Variants in TGFBRAP1 observed in about 807,000 individuals in gnomAD.
TGFBRAP1 encodes transforming growth factor beta receptor associated protein 1.
TGFBRAP1 carries 20 observed loss-of-function variants against 83.2 expected under a neutral mutation model. The ratio of observed to expected loss-of-function variants is 0.24; its 90% CI spans 0.17 to 0.35. The LOEUF is 0.35. Among genes scored for constraint, TGFBRAP1 ranks in the 10% least tolerant of loss-of-function variants. The pLI, the probability that TGFBRAP1 is intolerant of heterozygous loss-of-function variation, is 1.00. For synonymous variants in TGFBRAP1, 415 were observed against 459.8 expected, an observed-to-expected ratio of 0.90 and a Z score of 1.25; for missense variants, 950 against 1,099.4, an observed-to-expected ratio of 0.86 and a Z score of 1.92.
chr2:105,291,384 T>C (rs1677908649), intron 4 of TGFBRAP1, among the ~76,000 whole-genome samples: 1 of 152,176 alleles, frequency 6.6e-6, no homozygotes, highest in African/African-American at 2.4e-5. Flanking sequence ...GTCACCCAGT[T>C]TACAGTATTC....
the TGFBRAP1 span, among the ~76,000 whole-genome samples, chr2:105,254,279 G>A: frequency 6.6e-6 from 1 of 152,110 alleles, no homozygotes; most frequent in Non-Finnish European, 1.5e-5. Context: ...GGAAAGTCTT[G>A]GAGAGGTCAC....
rs1180966653 is a variant in TGFBRAP1 at position 105,269,105 on chromosome 2, C to G, written c.2406+167G>C. On this transcript the variant is annotated intron_variant, in intron 11 of 11. Transcript: ENST00000393359. The surrounding 1 kb of genome is among the most constrained non-coding windows in gnomAD (Gnocchi z 4.1). ...ACACCTACCAGCCCAGCCTCTGCCT[C>G]TGCTCACACAGACCTCAGTTTCTAT... is the stretch of plus-strand genomic sequence containing the variant. Among the ~76,000 whole-genome samples the G allele has an allele frequency of 2.0e-5, 3 of 152,316 alleles. No homozygotes were observed. Among genetic ancestry groups the G allele is most frequent in the Admixed American group, 1.3e-4 (2 of 15,308 alleles).
intron 4 of TGFBRAP1, among the ~76,000 whole-genome samples, chr2:105,291,366 T>C (rs1256209173): frequency 6.6e-6 from 1 of 152,136 alleles, no homozygotes; most frequent in East Asian, 1.9e-4. Context: ...TAAATGTTCC[T>C]TGTTGAGGTC....
At position 105,267,512 on chromosome 2, in the gene TGFBRAP1, A is replaced by C; in HGVS notation, c.2454T>G (p.Cys818Trp). Residue 818 changes from cysteine (C) to tryptophan (W), a missense_variant, in exon 12 of 12, where the codon TGT becomes TGG. Transcript: ENST00000393359. ...SSIQLSDKKL[C>W]QICQNPFCEP... ...CACAAAAGGGATTTTGGCATATCTG[A>C]CAAAGCTTTTTGTCTGAGAGTTGGA... 6.2e-7 allele frequency: 1 copy of C among 1,614,252 alleles called. No homozygotes were observed. The highest frequency in any genetic ancestry group is 2.2e-5 in the East Asian group (1 of 44,886).
At chr2:105,328,916 C>G (rs1679293698) in intron 1 of TGFBRAP1, among the ~76,000 whole-genome samples, 1 of 152,138 alleles carries the variant, frequency 6.6e-6, no homozygotes, top group South Asian at 2.1e-4. Flanking sequence ...GATATCAACA[C>G]TTAACACAGG....
intron 2 of TGFBRAP1, among the ~76,000 whole-genome samples, chr2:105,302,672 G>C (rs928846916): frequency 6.6e-6 from 1 of 152,214 alleles, no homozygotes; most frequent in African/African-American, 2.4e-5. Flanking sequence ...GGGAGAGGGA[G>C]ACTTGGTAAA....
At chr2:105,295,120 A>G (rs1678039658) in intron 4 of TGFBRAP1, among the ~76,000 whole-genome samples, 1 of 152,228 alleles carries the variant, frequency 6.6e-6, no homozygotes, top group African/African-American at 2.4e-5. Context: ...CTCAAAAGTT[A>G]GCAACAAAGA....
chr2:105,281,918 G>A (rs1382749657), intron 5 of TGFBRAP1, among the ~76,000 whole-genome samples: 2 of 151,984 alleles, frequency 1.3e-5, no homozygotes, highest in African/African-American at 2.4e-5. Flanking sequence ...GGCCAGGGCT[G>A]CTGCCATTAA....
chr2:105,282,415 T>A (rs1573174119), intron 5 of TGFBRAP1, among the ~76,000 whole-genome samples: 1 of 152,080 alleles, frequency 6.6e-6, no homozygotes, highest in African/African-American at 2.4e-5. Flanking sequence ...CACTGAGGAG[T>A]CAGAGGACGG....
At chr2:105,326,882 A>T (rs959484453) in intron 1 of TGFBRAP1, among the ~76,000 whole-genome samples, 3 of 152,236 alleles carry the variant, frequency 2.0e-5, no homozygotes, top group African/African-American at 7.2e-5. Context: ...ATCATCTGCA[A>T]GATTTCATAA....
At chr2:105,293,187 A>C (rs1677972694) in intron 4 of TGFBRAP1, among the ~76,000 whole-genome samples, 1 of 152,196 alleles carries the variant, frequency 6.6e-6, no homozygotes, top group African/African-American at 2.4e-5. Context: ...AAATGGAAAA[A>C]AAAATCTATC....
intron 1 of TGFBRAP1, among the ~76,000 whole-genome samples, chr2:105,329,055 T>C (rs947409650): frequency 3.3e-5 from 5 of 152,028 alleles, no homozygotes; most frequent in African/African-American, 1.2e-4. Context: ...AGCACAGCAC[T>C]TTTCCCTACT....
chr2:105,258,428 G>A, the TGFBRAP1 span, among the ~76,000 whole-genome samples: 1 of 152,060 alleles, frequency 6.6e-6, no homozygotes, highest in Non-Finnish European at 1.5e-5. Context: ...CCAATCCACT[G>A]AGGGCCTGAA....
At position 105,267,269 on chromosome 2, in the gene TGFBRAP1, C is replaced by G; in HGVS notation, c.*114G>C. 7.1e-7 allele frequency: 1 copy of G among 1,409,954 alleles called. No homozygotes were observed. Among genetic ancestry groups the G allele is most frequent in the Admixed American group, 2.4e-5 (1 of 41,140 alleles). 87.3% of individuals were successfully genotyped at this position (1,409,954 alleles called of 1,614,324 possible). Reference sequence around the variant, plus strand: ...CGTATGGACGGAAGGCTCCCTGGCACCCAGATGTCTCCCTTCGTCCTGGCT... The same window carrying G: ...CGTATGGACGGAAGGCTCCCTGGCAGCCAGATGTCTCCCTTCGTCCTGGCT... On this transcript the variant is annotated 3_prime_UTR_variant, in exon 12 of 12. Transcript: ENST00000393359.
At chr2:105,303,904 C>G (rs1188146433) in intron 2 of TGFBRAP1, among the ~76,000 whole-genome samples, 2 of 152,028 alleles carry the variant, frequency 1.3e-5, no homozygotes, top group African/African-American at 4.8e-5. Flanking sequence ...CATCCAATTT[C>G]TTCAGCAAAA....
At chr2:105,299,527 T>C (rs1678212271) in intron 2 of TGFBRAP1, among the ~76,000 whole-genome samples, 1 of 152,010 alleles carries the variant, frequency 6.6e-6, no homozygotes, top group African/African-American at 2.4e-5. Context: ...TCACTGCATT[T>C]ACCTGCTTAA....
chr2:105,286,337 C>G (rs951676037), intron 4 of TGFBRAP1, among the ~76,000 whole-genome samples: 2 of 152,100 alleles, frequency 1.3e-5, no homozygotes, highest in Non-Finnish European at 2.9e-5. Context: ...GAAATTTTAC[C>G]AAGCATGGCC....
chr2:105,267,421 T>G lies in TGFBRAP1; in HGVS notation c.2545A>C (p.Thr849Pro), dbSNP rs185907682. The G allele has an allele frequency of 3.1e-6, 5 of 1,614,196 alleles. No individual in the cohort carries two copies. The highest frequency in any genetic ancestry group is 4.2e-6 in the Non-Finnish European group (5 of 1,180,038). ...VHTHCAASRHTNPSSSSPGTR... is the reference protein window; with the variant it reads ...VHTHCAASRHPNPSSSSPGTR... ...CCAGGACTGGATGAGCTGGGGTTTG[T>G]GTGTCTGCTGGCGGCACAGTGGGTG... is the stretch of plus-strand genomic sequence containing the variant. The change falls in exon 12 of 12, where the codon ACA becomes CCA. Residue 849 changes from threonine (T) to proline (P), a missense_variant. By Grantham distance (38) the Thr-to-Pro change is conservative. Transcript: ENST00000393359.
At chr2:105,315,792 G>C (rs570329199) in intron 1 of TGFBRAP1, among the ~76,000 whole-genome samples, 1 of 152,234 alleles carries the variant, frequency 6.6e-6, no homozygotes, top group East Asian at 1.9e-4. Context: ...CTGTTCAGCA[G>C]TTTTTTATAA....
Sources: gnomAD v4.1 joint callset for allele counts (sites outside exome capture counted in the v4.1 genomes callset) on GRCh38, gnomAD v4.1.1 for gene constraint, Gnocchi (gnomAD v3.1) non-coding constraint, MANE v1.5 for transcripts, NCBI Gene and HGNC (gene_info 2026-07-23, HGNC 2026-07-21) for gene names.